The following FANCD2 variants were observed in gnomAD, a reference collection of about 807,000 sequenced individuals.
The protein encoded by FANCD2 is FA complementation group D2, also known as Fanconi anemia group D2 protein.
In FANCD2, 131 loss-of-function variants were observed where a neutral mutation model predicts 192.3. The ratio of observed to expected loss-of-function variants is 0.68; its 90% CI spans 0.59 to 0.79. The LOEUF is 0.79. Ranked by LOEUF, FANCD2 falls within the 30% of genes least tolerant of loss-of-function variation. The pLI, the probability that FANCD2 is intolerant of heterozygous loss-of-function variation, is 0.00. For synonymous variants in FANCD2, 524 were observed against 612.5 expected (o/e 0.86, Z 2.13); for missense variants, 1,508 against 1,701.6 (o/e 0.89, Z 2.00).
intron 19 of FANCD2, among the ~76,000 whole-genome samples, chr3:10,060,900 T>C (rs764709877): frequency 6.6e-5 from 10 of 152,206 alleles, no homozygotes; most frequent in Admixed American, 2.0e-4. Context: ...CAAACCGACA[T>C]TGGATTTCAG....
chr3:10,066,287 T>C (rs1401610622), intron 25 of FANCD2, among the ~76,000 whole-genome samples: 1 of 152,238 alleles, frequency 6.6e-6, no homozygotes, highest in African/African-American at 2.4e-5. Context: ...ACTGTTTTGA[T>C]TCAGTGAGTG....
rs1559383337 is a variant in FANCD2, at chr3:10,054,439, GTATATACATATA to G, written c.1656+1949_1656+1960del. 8.6e-3 allele frequency among the ~76,000 whole-genome samples: 345 copies of G among 40,266 alleles called. 11 individuals carry two copies. The highest frequency in any genetic ancestry group is 0.068 in the African/African-American group (333 of 4,930). The allele number at this position is 40,266 out of a possible 152,430, so 26.4% of individuals were successfully genotyped here. ...TATACATATATACATGTATATACAT[GTATATACATATA>G]TATATATATATATATATATATATTT... On this transcript the variant is annotated intron_variant, in intron 18 of 43. Transcript: ENST00000675286.
chr3:10,090,149 C>T (rs1694498898), intron 36 of FANCD2, 143 bp from the exon 37 acceptor site: 10 of 665,000 alleles, frequency 1.5e-5, no homozygotes, highest in Middle Eastern at 3.9e-4. Context: ...GTCCTTTCCG[C>T]TCCCCCATCC....
Position 10,033,698 on chromosome 3 carries a change from C to CTTTTTTTTTTTTTTTTTTTTTTTTTTT in FANCD2, c.205+746_205+747insTTTTTTTTTTTTTTTTTTTTTTTTTTT, listed in dbSNP as rs34115008. On this transcript the variant is annotated intron_variant, in intron 3 of 43. Coordinates refer to ENST00000675286, the MANE Select transcript of FANCD2 (RefSeq NM_001018115.3). ...TGGCTATCTGCTATCAAAGCTAAGTCTTTTTTTTTTTTTTTTTTTTGAGAC... is the reference window on the plus strand; with the variant it reads ...TGGCTATCTGCTATCAAAGCTAAGTCTTTTTTTTTTTTTTTTTTTTTTTTTTTTTTTTTTTTTTTTTTTTTTTGAGAC... Among the ~76,000 whole-genome samples, 2 of 89,378 alleles carry CTTTTTTTTTTTTTTTTTTTTTTTTTTT rather than the reference C, an allele frequency of 2.2e-5. 1 individual carries two copies. Among genetic ancestry groups the CTTTTTTTTTTTTTTTTTTTTTTTTTTT allele is most frequent in the African/African-American group, 9.5e-5 (2 of 21,124 alleles). 58.6% of individuals were successfully genotyped at this position (89,378 alleles called of 152,430 possible).
chr3:10,040,028 A>ATTT, intron 9 of FANCD2, 183 bp downstream of exon 9: 1 of 550,418 alleles, frequency 1.8e-6, no homozygotes, highest in East Asian at 3.1e-5. Context: ...AGATCCACAT[A>ATTT]CTTTCTTTTT....
chr3:10,078,169 C>G lies in FANCD2; in HGVS notation c.2948C>G (p.Pro983Arg), dbSNP rs1397202589. The change falls in exon 30 of 44, where the codon CCT (proline) becomes CGT (arginine). Residue 983 changes from proline (P) to arginine (R), a missense_variant. Coordinates refer to ENST00000675286, the MANE Select transcript of FANCD2 (RefSeq NM_001018115.3). ...SQKLESMLTPPIARRVPFLKN... is the reference protein window; with the variant it reads ...SQKLESMLTPRIARRVPFLKN... Reference sequence around the variant, plus strand: ...AAGCTGGAGAGTATGCTGACACCTCCTATTGCCAGGAGAGTCCCCTTTCTC... The same window carrying G: ...AAGCTGGAGAGTATGCTGACACCTCGTATTGCCAGGAGAGTCCCCTTTCTC... 2 of 1,612,738 alleles carry G rather than the reference C, an allele frequency of 1.2e-6. No homozygotes were observed. The highest frequency in any genetic ancestry group is 2.2e-5 in the East Asian group (1 of 44,844).
intron 17 of FANCD2, among the ~76,000 whole-genome samples, chr3:10,049,804 A>T (rs2125007136): frequency 6.6e-6 from 1 of 152,334 alleles, no homozygotes; most frequent in Admixed American, 6.5e-5. Context: ...ACAGAGTAAG[A>T]ATAATTAAAT....
chr3:10,054,842 T>C (rs1408114265), intron 18 of FANCD2, among the ~76,000 whole-genome samples: 1 of 151,374 alleles, frequency 6.6e-6, no homozygotes, highest in Admixed American at 6.6e-5. Context: ...AGTCAGCACA[T>C]TTTTTTTAAT....
intron 1 of FANCD2, among the ~76,000 whole-genome samples, chr3:10,027,133 C>A (rs901362879): frequency 8.5e-5 from 13 of 152,196 alleles, no homozygotes; most frequent in African/African-American, 3.1e-4. Context: ...GCTTTTTTCA[C>A]TCTGAATATT....
Position 10,026,446 on chromosome 3 carries a change from G to C in FANCD2, c.-61G>C. 2.2e-6 allele frequency: 1 copy of C among 451,552 alleles called. No individual in the cohort carries two copies. Among genetic ancestry groups the C allele is most frequent in the Non-Finnish European group, 3.0e-6 (1 of 335,732 alleles). 28.0% of individuals were successfully genotyped at this position (451,552 alleles called of 1,614,324 possible). ...CGGCGTCGGGCCTGGCGGGAAAGTC[G>C]AAAACTACGGGCGGCGACGGCTTCT... On this transcript the variant is annotated 5_prime_UTR_variant, in exon 1 of 44. Transcript: ENST00000675286.
chr3:10,041,472 AT>A (rs1301569616), intron 9 of FANCD2, 150 bp from the exon 10 acceptor site: 10 of 611,990 alleles, frequency 1.6e-5, no homozygotes, highest in Non-Finnish European at 2.4e-5. Flanking sequence ...AGTCAAAACA[AT>A]TTTTAAAGAA....
intron 16 of FANCD2, among the ~76,000 whole-genome samples, chr3:10,048,458 C>A (rs183226884): frequency 3.7e-4 from 57 of 152,294 alleles, no homozygotes; most frequent in African/African-American, 1.3e-3. Flanking sequence ...CACACACCAC[C>A]ACGCCCGGTT....
intron 10 of FANCD2, among the ~76,000 whole-genome samples, chr3:10,042,090 G>C (rs923575129): frequency 4.6e-5 from 7 of 152,086 alleles, no homozygotes; most frequent in African/African-American, 1.4e-4. Flanking sequence ...TAGAGACGGG[G>C]TTTCACCATA....
Position 10,045,088 on chromosome 3 carries a change from G to GTTTTTTTTT in FANCD2, c.1134+1229_1134+1237dup, listed in dbSNP as rs76340293. 2.2e-4 allele frequency among the ~76,000 whole-genome samples: 28 copies of GTTTTTTTTT among 128,928 alleles called. 1 individual carries two copies. The highest frequency in any genetic ancestry group is 4.6e-4 in the South Asian group (2 of 4,352). 84.6% of individuals were successfully genotyped at this position (128,928 alleles called of 152,430 possible). A position where few individuals can be genotyped will look rare whatever the true frequency, so the allele number is the denominator to read the frequency against. ...GTTTGTCCTGCTTGCCTTTTTAACT[G>GTTTTTTTTT]TTTTTTTTTTTTTCCTGGAAGCATA... is the stretch of plus-strand genomic sequence containing the variant. On this transcript the variant is annotated intron_variant, in intron 14 of 43. Coordinates refer to ENST00000675286, the MANE Select transcript of FANCD2 (RefSeq NM_001018115.3).
chr3:10,092,139 T>C, intron 37 of FANCD2, 42 bp from the exon 38 acceptor site: 2 of 1,290,696 alleles, frequency 1.5e-6, no homozygotes, highest in Non-Finnish European at 2.3e-6. Context: ...AGGGAAGTAT[T>C]TGGCTGTGAC....
chr3:10,088,466 T>G lies in FANCD2; in HGVS notation c.3484T>G (p.Phe1162Val), dbSNP rs993970736. The change falls in exon 35 of 44, where the codon TTC becomes GTC. Residue 1162 changes from phenylalanine (F) to valine (V), a missense_variant. Physicochemically the swap from Phe to Val is conservative, Grantham distance 50. Around this residue, in one of 5 missense-constraint regions of FANCD2, gnomAD observed 796 missense variants for 879.4 expected, o/e 0.91. Coordinates refer to ENST00000675286, the MANE Select transcript of FANCD2 (RefSeq NM_001018115.3). ...TCTAACAGCTTCCCTTGCCAGACAA[T>G]TCCTCTGTCGGGTGTGGCCAAGTGG... is the stretch of plus-strand genomic sequence containing the variant. Reference protein sequence around the residue: ...KEKIASLARQFLCRVWPSGDK... With the variant: ...KEKIASLARQVLCRVWPSGDK... 1.2e-6 allele frequency: 2 copies of G among 1,609,156 alleles called. No individual in the cohort carries two copies. The highest frequency in any genetic ancestry group is 1.7e-6 in the Non-Finnish European group (2 of 1,175,466).
chr3:10,072,074 G>A (rs1693283933), intron 26 of FANCD2, among the ~76,000 whole-genome samples: 2 of 152,030 alleles, frequency 1.3e-5, no homozygotes, highest in African/African-American at 4.8e-5. Flanking sequence ...TCTAGTTTTT[G>A]ATAGCACAAC....
chr3:10,043,080 C>CT lies in FANCD2; in HGVS notation c.920dup (p.Gln308AlafsTer19), dbSNP rs1379054890. 2.5e-6 allele frequency: 4 copies of CT among 1,613,958 alleles called. No individual in the cohort carries two copies. Among genetic ancestry groups the CT allele is most frequent in the Non-Finnish European group, 3.4e-6 (4 of 1,180,028 alleles). On this transcript the variant is annotated frameshift_variant, in exon 12 of 44. Transcript: ENST00000675286. LOFTEE classifies it high-confidence loss of function. ...TTCTGAGCTTCGGGAGAAGTTGGAT[C>CT]TGCAGCATTGTGTTTTGCCATCACG...
chr3:10,031,512 AAAAAAG>A (rs2124967725), intron 2 of FANCD2, among the ~76,000 whole-genome samples: 1 of 152,188 alleles, frequency 6.6e-6, no homozygotes, highest in East Asian at 1.9e-4. Context: ...AAAAAAAAAA[AAAAAAG>A]AAAGAGGGAG....
Sources: allele counts gnomAD v4.1 joint callset (sites outside exome capture counted in the v4.1 genomes callset), GRCh38; gene constraint gnomAD v4.1.1; regional missense constraint gnomAD v4.1.1; transcripts MANE v1.5; gene names NCBI Gene and HGNC (gene_info 2026-07-23, HGNC 2026-07-21).